Variants in PHLDB1 observed in about 807,000 individuals in gnomAD.
The protein encoded by PHLDB1 is pleckstrin homology like domain family B member 1.
In PHLDB1, 65 loss-of-function variants were observed where a neutral mutation model predicts 139.3. The ratio of observed to expected loss-of-function variants is 0.47; its 90% confidence interval spans 0.38 to 0.57. PHLDB1 has a LOEUF of 0.57. Among genes scored for constraint, PHLDB1 ranks in the 20% least tolerant of loss-of-function variants. PHLDB1 has a pLI of 0.00. For synonymous variants in PHLDB1, 679 were observed against 734.5 expected, an observed-to-expected ratio of 0.92 and a Z score of 1.22; for missense variants, 1,624 against 1,839.7, an observed-to-expected ratio of 0.88 and a Z score of 2.14.
intron 17 of PHLDB1, chr11:118,647,245 A>G (rs1947664240): frequency 6.6e-6 from 1 of 152,248 alleles, no homozygotes; most frequent in Non-Finnish European, 1.5e-5. Flanking sequence ...AGTTGTCTAG[A>G]TAACCCATGT....
chr11:118,628,646 G>A lies in PHLDB1; in HGVS notation c.1823G>A (p.Arg608Lys), dbSNP rs1555106983. 5.6e-6 allele frequency: 9 copies of A among 1,604,726 alleles called. No individual in the cohort carries two copies. The highest frequency in any genetic ancestry group is 7.6e-6 in the Non-Finnish European group (9 of 1,176,982). ...QERLREQEME[R>K]LERQRLETIL... ...CGGCTCCGGGAGCAGGAGATGGAGA[G>A]GCTGGTGAGCGGGTGCCAGGGAGGC... The change falls in exon 6 of 23, where the codon AGG becomes AAG. Residue 608 changes from arginine (R) to lysine (K), a missense_variant. By Grantham distance (26) the Arg-to-Lys change is conservative. Coordinates refer to ENST00000600882, the MANE Select transcript of PHLDB1 (RefSeq NM_001144758.3).
rs1421950157 is a variant in PHLDB1, at chr11:118,632,949, C to T, written c.2379+653C>T. 1 of 478,424 alleles carries T rather than the reference C, an allele frequency of 2.1e-6. No homozygotes were observed. The highest frequency in any genetic ancestry group is 2.7e-6 in the Non-Finnish European group (1 of 367,398). 29.6% of individuals were successfully genotyped at this position (478,424 alleles called of 1,614,324 possible). A position where few individuals can be genotyped will look rare whatever the true frequency, so the allele number is the denominator to read the frequency against. On this transcript the variant is annotated intron_variant, in intron 9 of 22. Coordinates refer to ENST00000600882, the MANE Select transcript of PHLDB1 (RefSeq NM_001144758.3). This position sits in a 1 kb window ranked among gnomAD's most constrained non-coding sequence, Gnocchi z 5.9. ...TCCTTCTGGATTTTTTGAGTTTCTTCCTCCTGCCCTCAATTTTGAGAATCT... is the reference window on the plus strand; with the variant it reads ...TCCTTCTGGATTTTTTGAGTTTCTTTCTCCTGCCCTCAATTTTGAGAATCT...
chr11:118,652,045 T>C (rs1409254450), intron 20 of PHLDB1: 1 of 152,268 alleles, frequency 6.6e-6, no homozygotes, highest in Non-Finnish European at 1.5e-5. Context: ...TAGATGGGGC[T>C]GTCTGCCAGT....
intron 7 of PHLDB1, 62 bp downstream of exon 7, chr11:118,631,541 G>T: frequency 4.4e-6 from 6 of 1,349,856 alleles, no homozygotes; most frequent in Non-Finnish European, 5.8e-6. Context: ...GGCAGAGGAG[G>T]CTGGTGTATC....
Position 118,642,253 on chromosome 11 carries a change from G to C in PHLDB1, c.2737-1G>C. Reference sequence around the variant, plus strand: ...TTTCCCCTCCCCATTCCCACCTCCAGATGGAGAAGCTGCTGCTCCCTGCTG... The same window carrying C: ...TTTCCCCTCCCCATTCCCACCTCCACATGGAGAAGCTGCTGCTCCCTGCTG... On this transcript the variant is annotated splice_acceptor_variant, in intron 12 of 22. Coordinates refer to ENST00000600882, the MANE Select transcript of PHLDB1 (RefSeq NM_001144758.3). LOFTEE classifies it high-confidence loss of function. 2 of 1,611,720 alleles carry C rather than the reference G, an allele frequency of 1.2e-6. No individual in the cohort carries two copies. Among genetic ancestry groups the C allele is most frequent in the Non-Finnish European group, 1.7e-6 (2 of 1,179,772 alleles).
At chr11:118,649,935 C>T in intron 18 of PHLDB1, 142 bp from the exon 19 acceptor site, 1 of 697,442 alleles carries the variant, frequency 1.4e-6, no homozygotes, top group South Asian at 1.6e-5. Flanking sequence ...TTGCCATAAG[C>T]CCTGTGGAGC....
Position 118,643,926 on chromosome 11 carries a change from A to T in PHLDB1, c.3004A>T (p.Ser1002Cys), listed in dbSNP as rs185894596. The change falls in exon 14 of 23, where the codon AGC (serine) becomes TGC (cysteine). Residue 1002 changes from serine (S) to cysteine (C), a missense_variant. Coordinates refer to ENST00000600882, the MANE Select transcript of PHLDB1 (RefSeq NM_001144758.3). ...GCTCAGCGTGGCTACCCTGGGGCGT[A>T]GCCCCTCCCCAAAGGTCTGAGGACA... is the stretch of plus-strand genomic sequence containing the variant. ...SQLSVATLGR[S>C]PSPKSALLTQ... 6.2e-7 allele frequency: 1 copy of T among 1,601,204 alleles called. No individual in the cohort carries two copies. Among genetic ancestry groups the T allele is most frequent in the East Asian group, 2.2e-5 (1 of 44,804 alleles).
chr11:118,655,685 G>T lies in PHLDB1; in HGVS notation c.3955G>T (p.Ala1319Ser). 1 of 1,610,672 alleles carries T rather than the reference G, an allele frequency of 6.2e-7. No individual in the cohort carries two copies. Residue 1319 changes from alanine to serine, a missense_variant, in exon 21 of 23, where the codon GCC (alanine) becomes TCC (serine). By Grantham distance (99) the Ala-to-Ser change is moderately conservative. Coordinates refer to ENST00000600882, the MANE Select transcript of PHLDB1 (RefSeq NM_001144758.3). Reference sequence around the variant, plus strand: ...GTACTACGACCACCTGCGCAGTGCAGCCAAGGTCAGGGGTGGAGGGCACCA... The same window carrying T: ...GTACTACGACCACCTGCGCAGTGCATCCAAGGTCAGGGGTGGAGGGCACCA... ...EVYYDHLRSAAKKRFFRFTMV... is the reference protein window; with the variant it reads ...EVYYDHLRSASKKRFFRFTMV...
At chr11:118,607,522 G>T (rs1939372223), upstream of PHLDB1, 1 of 138,992 alleles carries the variant, frequency 7.2e-6, no homozygotes, top group Non-Finnish European at 1.6e-5. Flanking sequence ...CTGGCCAGGC[G>T]GACGGGACGG....
In PHLDB1 at chr11:118,620,558, C is replaced by G. The variant is rs1942573823; in HGVS notation, c.355+4347C>G. On this transcript the variant is annotated intron_variant, in intron 4 of 22. Coordinates refer to ENST00000600882, the MANE Select transcript of PHLDB1 (RefSeq NM_001144758.3). This position sits in a 1 kb window ranked among gnomAD's most constrained non-coding sequence, Gnocchi z 4.1. The stretch of plus-strand genomic sequence containing the variant: ...CAGAATCTCAGCCTGACTTTGCGGG[C>G]TCCAGATATCTGTTTCCCAAGTAGG... 6.6e-6 allele frequency among the ~76,000 whole-genome samples: 1 copy of G among 151,854 alleles called. No individual in the cohort carries two copies. The highest frequency in any genetic ancestry group is 1.5e-5 in the Non-Finnish European group (1 of 68,044).
rs1206401076 is a variant in PHLDB1, at chr11:118,635,464, C to A, written c.2451C>A (p.Ser817Arg). The A allele has an allele frequency of 1.2e-6, 2 of 1,612,022 alleles. No individual in the cohort carries two copies. The highest frequency in any genetic ancestry group is 1.7e-6 in the Non-Finnish European group (2 of 1,179,222). The change falls in exon 10 of 23, where the codon AGC (serine) becomes AGA (arginine). Residue 817 changes from serine to arginine, a missense_variant. Physicochemically the swap from Ser to Arg is moderately radical, Grantham distance 110. Coordinates refer to ENST00000600882, the MANE Select transcript of PHLDB1 (RefSeq NM_001144758.3). ...DLEFQQLERESRVEEERELAG... is the reference protein window; with the variant it reads ...DLEFQQLERERRVEEERELAG... ...AGTTCCAGCAGTTGGAGCGGGAGAG[C>A]CGCGTGGAGGAGGAGCGCGAGCTGG... is the stretch of plus-strand genomic sequence containing the variant.
intron 17 of PHLDB1, chr11:118,647,395 T>A (rs1459664075): frequency 6.6e-6 from 1 of 152,480 alleles, no homozygotes; most frequent in African/African-American, 2.4e-5. Context: ...TAACTTCATT[T>A]CACAGATGAG....
chr11:118,635,370 C>T, intron 9 of PHLDB1, 23 bp from the exon 10 acceptor site: 2 of 1,555,486 alleles, frequency 1.3e-6, no homozygotes, highest in Non-Finnish European at 1.7e-6. Flanking sequence ...ACCACCCAAC[C>T]CCCTTTGTCA....
At position 118,611,016 on chromosome 11, in the gene PHLDB1, CG is replaced by C. The variant is rs1940140686; in HGVS notation, c.-21-2797del. ...AGGGGTCTTTTTTTGGCCGCGGGGC[CG>C]GGCGGGCGGGTAATGACAGCCGGGT... On this transcript the variant is annotated intron_variant, in intron 1 of 22. Coordinates refer to ENST00000600882, the MANE Select transcript of PHLDB1 (RefSeq NM_001144758.3). This position sits in a 1 kb window ranked among gnomAD's most constrained non-coding sequence, Gnocchi z 4.7. Among the ~76,000 whole-genome samples the C allele has an allele frequency of 6.7e-6, 1 of 149,578 alleles. No homozygotes were observed. Among genetic ancestry groups the C allele is most frequent in the African/African-American group, 2.4e-5 (1 of 40,940 alleles).
chr11:118,627,557 G>C lies in PHLDB1; in HGVS notation c.734G>C (p.Gly245Ala). 1.2e-6 allele frequency: 2 copies of C among 1,614,008 alleles called. No individual in the cohort carries two copies. The highest frequency in any genetic ancestry group is 2.2e-5 in the South Asian group (2 of 91,046). Residue 245 changes from glycine to alanine, a missense_variant, in exon 6 of 23, where the codon GGC becomes GCC. Coordinates refer to ENST00000600882, the MANE Select transcript of PHLDB1 (RefSeq NM_001144758.3). ...ACCAGCCCCGGCGCCATGTCTGTGG[G>C]CTCCAGCTATGAGAACACCTCTCCA... is the stretch of plus-strand genomic sequence containing the variant. ...PPTSPGAMSV[G>A]SSYENTSPAF...
chr11:118,639,350 G>C, intron 12 of PHLDB1, 99 bp downstream of exon 12: 2 of 838,510 alleles, frequency 2.4e-6, no homozygotes, highest in Admixed American at 1.8e-5. Context: ...GAGGTTGTGT[G>C]GGGGCATCTT....
intron 10 of PHLDB1, among the ~76,000 whole-genome samples, chr11:118,636,019 A>G (rs1012259313): frequency 1.3e-5 from 2 of 152,226 alleles, no homozygotes; most frequent in African/African-American, 4.8e-5. Flanking sequence ...TGAGCTATAA[A>G]ACAAGGGTTA....
chr11:118,656,702 CCTT>C lies in PHLDB1; in HGVS notation c.4016_4018del (p.Phe1339del). The C allele has an allele frequency of 6.2e-7, 1 of 1,613,946 alleles. No individual in the cohort carries two copies. The highest frequency in any genetic ancestry group is 8.5e-7 in the Non-Finnish European group (1 of 1,179,848). ...TGGCAGAGCCCGAACCCAGCCCTCA[CCTT>C]CTGCGTAAAGACCCATGACCGGCTG... is the stretch of plus-strand genomic sequence containing the variant. On this transcript the variant is annotated inframe_deletion, in exon 23 of 23. Transcript: ENST00000600882.
At chr11:118,623,477 T>C (rs911529107) in intron 4 of PHLDB1, among the ~76,000 whole-genome samples, 8 of 152,194 alleles carry the variant, frequency 5.3e-5, no homozygotes, top group African/African-American at 1.7e-4. Flanking sequence ...GTACTCACAC[T>C]TCCCGGGCAG....
Sources: allele counts gnomAD v4.1 joint callset (sites outside exome capture counted in the v4.1 genomes callset), GRCh38; gene constraint gnomAD v4.1.1; non-coding constraint Gnocchi (gnomAD v3.1); transcripts MANE v1.5; gene names NCBI Gene and HGNC (gene_info 2026-07-23, HGNC 2026-07-21).